C16orf78: variants seen among roughly 807,000 people sequenced by gnomAD.
The protein encoded by C16orf78 is chromosome 16 open reading frame 78.
A neutral mutation model predicts 27.3 loss-of-function variants in C16orf78; 19 were observed. That is an observed-to-expected ratio of 0.70 (90% CI 0.49 to 1.02). C16orf78 has a LOEUF of 1.02. C16orf78 is among the 50% of genes least tolerant of loss of function. C16orf78 has a pLI of 0.00. For synonymous variants in C16orf78, 130 were observed against 116.1 expected, an observed-to-expected ratio of 1.12 and a Z score of -0.77; for missense variants, 339 against 337.0, an observed-to-expected ratio of 1.01 and a Z score of -0.05.
At chr16:49,395,635 A>G (rs1444497233) in intron 3 of C16orf78, among the ~76,000 whole-genome samples, 1 of 152,138 alleles carries the variant, frequency 6.6e-6, no homozygotes, top group Non-Finnish European at 1.5e-5. Flanking sequence ...GACACTTACC[A>G]TTACATTTCG....
chr16:49,385,497 A>G (rs755568892), intron 3 of C16orf78, among the ~76,000 whole-genome samples: 25 of 152,092 alleles, frequency 1.6e-4, no homozygotes, highest in African/African-American at 5.3e-4. Context: ...CCTCGTCTCT[A>G]CTAATAATAC....
chr16:49,399,100 C>T (rs1394320356), intron 4 of C16orf78, 31 bp from the exon 5 acceptor site: 1 of 1,610,132 alleles, frequency 6.2e-7, no homozygotes, highest in Non-Finnish European at 8.5e-7. Flanking sequence ...ACTCCACCTT[C>T]AACTGACCTC....
At chr16:49,388,365 T>C (rs1296775819) in intron 3 of C16orf78, among the ~76,000 whole-genome samples, 1 of 152,220 alleles carries the variant, frequency 6.6e-6, no homozygotes, top group African/African-American at 2.4e-5. Context: ...AATTTCCCTC[T>C]GAACACTGCC....
At chr16:49,378,681 G>T in intron 3 of C16orf78, 88 bp downstream of exon 3, 1 of 1,565,496 alleles carries the variant, frequency 6.4e-7, no homozygotes, top group South Asian at 1.2e-5. Context: ...GCCATTCTTA[G>T]AGCAGTAGCG....
intron 4 of C16orf78, 124 bp downstream of exon 4, chr16:49,396,802 G>A (rs1462260846): frequency 1.1e-5 from 14 of 1,301,462 alleles, no homozygotes; most frequent in African/African-American, 3.0e-5. Flanking sequence ...TGGTGTGGCT[G>A]AGCTCCGCCC....
chr16:49,396,796 G>T, intron 4 of C16orf78, 118 bp downstream of exon 4: 7 of 1,337,486 alleles, frequency 5.2e-6, no homozygotes, highest in Non-Finnish European at 7.0e-6. Context: ...GGGGCTTGGT[G>T]TGGCTGAGCT....
chr16:49,380,757 T>C (rs367678981), intron 3 of C16orf78, among the ~76,000 whole-genome samples: 19 of 151,910 alleles, frequency 1.3e-4, no homozygotes, highest in African/African-American at 3.9e-4. Context: ...AGGGTTTTTA[T>C]GGTTTTAGGT....
intron 3 of C16orf78, among the ~76,000 whole-genome samples, chr16:49,391,640 G>C (rs562932118): frequency 6.6e-6 from 1 of 152,278 alleles, no homozygotes; most frequent in Admixed American, 6.5e-5. Flanking sequence ...TGATGTGGTT[G>C]TGAGACTAAA....
chr16:49,391,443 T>C (rs1310793013), intron 3 of C16orf78, among the ~76,000 whole-genome samples: 1 of 152,164 alleles, frequency 6.6e-6, no homozygotes, highest in Non-Finnish European at 1.5e-5. Flanking sequence ...AAATATAACC[T>C]ATCTCTTCAG....
In C16orf78 at chr16:49,376,099, G is replaced by C. The variant is rs534280198; in HGVS notation, c.151-1632G>C. 2.0e-5 allele frequency among the ~76,000 whole-genome samples: 3 copies of C among 152,304 alleles called. No individual in the cohort carries two copies. The East Asian group carries it at 5.8e-4, about 29-fold the overall frequency. The stretch of plus-strand genomic sequence containing the variant: ...AAGAGGAAGATGATGTGTGCTGGCA[G>C]GTCTCCGACAGCAGCAGGTGATGGG... On this transcript the variant is annotated intron_variant, in intron 1 of 4. Transcript: ENST00000299191.
chr16:49,397,900 G>C (rs1965493727), intron 4 of C16orf78, among the ~76,000 whole-genome samples: 2 of 152,112 alleles, frequency 1.3e-5, no homozygotes, highest in African/African-American at 4.8e-5. Context: ...TGAGTAGCTG[G>C]GATTATAGGC....
intron 3 of C16orf78, among the ~76,000 whole-genome samples, chr16:49,382,243 G>A (rs1215222247): frequency 2.0e-5 from 3 of 151,972 alleles, no homozygotes; most frequent in African/African-American, 4.8e-5. Context: ...GAAGGGGAAC[G>A]TCACACTCTG....
chr16:49,384,932 T>C (rs1484026751), intron 3 of C16orf78, among the ~76,000 whole-genome samples: 1 of 152,162 alleles, frequency 6.6e-6, no homozygotes, highest in Non-Finnish European at 1.5e-5. Flanking sequence ...ACCAAGGATA[T>C]TATACCTGAT....
intron 3 of C16orf78, among the ~76,000 whole-genome samples, chr16:49,388,195 T>A (rs1381154341): frequency 6.6e-6 from 1 of 152,114 alleles, no homozygotes; most frequent in Non-Finnish European, 1.5e-5. Context: ...TTTTTGTGTG[T>A]GTCTCAATCT....
In C16orf78 at chr16:49,395,039, T is replaced by TG. The variant is rs1471519692; in HGVS notation, c.395-1384_395-1383insG. On this transcript the variant is annotated intron_variant, in intron 3 of 4. Coordinates refer to ENST00000299191, the MANE Select transcript of C16orf78 (RefSeq NM_144602.4). ...TGTGCCACCAGACCCCTAATTTTTT[T>TG]TTGTTGTTGTTAGAGATGGAGTCTC... Among the ~76,000 whole-genome samples, 3 of 151,982 alleles carry TG rather than the reference T, an allele frequency of 2.0e-5. No individual in the cohort carries two copies. The East Asian group carries it at 5.8e-4, about 29-fold the overall frequency.
chr16:49,386,856 G>A (rs369136195), intron 3 of C16orf78, among the ~76,000 whole-genome samples: 7 of 152,254 alleles, frequency 4.6e-5, no homozygotes, highest in South Asian at 2.1e-4. Context: ...ATCAATGGGC[G>A]TTTAAGTTGA....
chr16:49,383,412 G>A (rs1255843321), intron 3 of C16orf78, among the ~76,000 whole-genome samples: 1 of 152,154 alleles, frequency 6.6e-6, no homozygotes, highest in Non-Finnish European at 1.5e-5. Context: ...AGCACATCCC[G>A]ATTGCATTAC....
chr16:49,390,298 A>T (rs1965396858), intron 3 of C16orf78, among the ~76,000 whole-genome samples: 1 of 152,172 alleles, frequency 6.6e-6, no homozygotes, highest in Admixed American at 6.5e-5. Flanking sequence ...ATTTTTGGAC[A>T]TTATTTGTTC....
intron 3 of C16orf78, among the ~76,000 whole-genome samples, chr16:49,393,178 A>C (rs1011463947): frequency 5.9e-5 from 9 of 152,170 alleles, no homozygotes; most frequent in African/African-American, 2.2e-4. Flanking sequence ...AACCCGATAC[A>C]TAGCCTTCCA....
Sources: gnomAD v4.1 joint callset for allele counts (sites outside exome capture counted in the v4.1 genomes callset) on GRCh38, gnomAD v4.1.1 for gene constraint, MANE v1.5 for transcripts, NCBI Gene and HGNC (gene_info 2026-07-23, HGNC 2026-07-21) for gene names.